VMP1: variants seen among roughly 807,000 people sequenced by gnomAD.
VMP1 encodes ectopic P-granules autophagy protein 3 homolog.
A neutral mutation model predicts 56.0 loss-of-function variants in VMP1; 11 were observed. That is an observed-to-expected ratio of 0.20 (90% CI 0.12 to 0.32). The LOEUF (loss-of-function observed/expected upper bound fraction) is 0.32. VMP1 is among the 10% of genes least tolerant of loss of function. The pLI, the probability that VMP1 is intolerant of heterozygous loss-of-function variation, is 1.00. For synonymous variants in VMP1, 149 were observed against 165.0 expected, an observed-to-expected ratio of 0.90 and a Z score of 0.74; for missense variants, 296 against 490.3, an observed-to-expected ratio of 0.60 and a Z score of 3.74.
At chr17:59,815,136 C>T (rs939284796) in intron 9 of VMP1, among the ~76,000 whole-genome samples, 9 of 152,060 alleles carry the variant, frequency 5.9e-5, no homozygotes, top group Non-Finnish European at 1.2e-4. Context: ...TAACCTTCCC[C>T]TAAAAGATTC....
intron 5 of VMP1, among the ~76,000 whole-genome samples, chr17:59,757,496 C>A (rs1441543866): frequency 2.6e-5 from 4 of 151,956 alleles, no homozygotes; most frequent in Non-Finnish European, 5.9e-5. Context: ...GGAAATGTAA[C>A]TTTTTAAACT....
At chr17:59,784,553 T>C (rs910083010) in intron 7 of VMP1, among the ~76,000 whole-genome samples, 1 of 152,228 alleles carries the variant, frequency 6.6e-6, no homozygotes, top group Non-Finnish European at 1.5e-5. Context: ...TCCAGGAGTC[T>C]AAACTCCTTA....
chr17:59,755,034 T>TA (rs2035788330), intron 5 of VMP1, among the ~76,000 whole-genome samples: 1 of 136,288 alleles, frequency 7.3e-6, no homozygotes, highest in Non-Finnish European at 1.5e-5. Flanking sequence ...TTCTCTTGAA[T>TA]ACTTAAGTCA....
chr17:59,784,134 TGTGTGTGTGA>T (rs1446193826), intron 7 of VMP1, among the ~76,000 whole-genome samples: 7 of 140,600 alleles, frequency 5.0e-5, no homozygotes, highest in African/African-American at 2.0e-4. Flanking sequence ...TGTGTGTGTG[TGTGTGTGTGA>T]GAGAGAGAGA....
In VMP1 at chr17:59,785,927, T is replaced by G. The variant is rs189601458; in HGVS notation, c.714+12042T>G. 2.1e-3 allele frequency among the ~76,000 whole-genome samples: 322 copies of G among 152,262 alleles called. 1 individual carries two copies. The highest frequency in any genetic ancestry group is 3.1e-3 in the Non-Finnish European group (209 of 68,018). ...TTAATAATCAATAATTGCTACCTAC[T>G]CTGTATGTTGAAGCTAAATCCCCAA... On this transcript the variant is annotated intron_variant, in intron 7 of 11. Coordinates refer to ENST00000262291, the MANE Select transcript of VMP1 (RefSeq NM_030938.5).
At chr17:59,817,533 G>C (rs1336012389) in intron 9 of VMP1, among the ~76,000 whole-genome samples, 179 bp from the exon 10 acceptor site, 1 of 151,624 alleles carries the variant, frequency 6.6e-6, no homozygotes, top group Non-Finnish European at 1.5e-5. Context: ...TGTATTTTTA[G>C]TAGAGACGGG....
chr17:59,732,717 T>A (rs1284437506), intron 2 of VMP1, among the ~76,000 whole-genome samples: 1 of 152,180 alleles, frequency 6.6e-6, no homozygotes, highest in Non-Finnish European at 1.5e-5. Context: ...TTGTGTGCTA[T>A]TTTTTTCTTT....
At position 59,801,148 on chromosome 17, in the gene VMP1, G is replaced by GTGTGTGTGTGTGTA. The variant is rs1439842519; in HGVS notation, c.715-7647_715-7646insGTGTGTGTGTGTAT. On this transcript the variant is annotated intron_variant, in intron 7 of 11. Transcript: ENST00000262291. ...TGTGTGTGTGTGTGTGTGTGTGTGT[G>GTGTGTGTGTGTGTA]TATGGCACATACAGTTATATATAGT... is the stretch of plus-strand genomic sequence containing the variant. Among the ~76,000 whole-genome samples, 60 of 136,328 alleles carry GTGTGTGTGTGTGTA rather than the reference G, an allele frequency of 4.4e-4. 2 individuals carry two copies. The highest frequency in any genetic ancestry group is 1.1e-3 in the Admixed American group (15 of 13,184). 89.4% of individuals were successfully genotyped at this position (136,328 alleles called of 152,430 possible).
intron 1 of VMP1, among the ~76,000 whole-genome samples, chr17:59,714,867 G>T (rs983153358): frequency 2.0e-5 from 3 of 152,002 alleles, no homozygotes; most frequent in African/African-American, 7.3e-5. Context: ...TTTTTGGTAG[G>T]GATGGGGTCT....
intron 9 of VMP1, among the ~76,000 whole-genome samples, chr17:59,812,403 A>T (rs2038081998): frequency 6.6e-6 from 1 of 152,118 alleles, no homozygotes; most frequent in Non-Finnish European, 1.5e-5. Flanking sequence ...TCTTAACAAA[A>T]TCTTTAGGAT....
At chr17:59,819,737 C>A (rs552465997) in intron 10 of VMP1, among the ~76,000 whole-genome samples, 1 of 152,334 alleles carries the variant, frequency 6.6e-6, no homozygotes, top group Non-Finnish European at 1.5e-5. Context: ...CAGGCATGAG[C>A]CTCCGCTCCC....
chr17:59,736,259 C>T (rs548091973), intron 3 of VMP1, among the ~76,000 whole-genome samples: 8 of 151,338 alleles, frequency 5.3e-5, no homozygotes, highest in East Asian at 3.9e-4. Flanking sequence ...AAAAATTAGC[C>T]GGGCGTGGTG....
At chr17:59,788,640 A>G (rs1225428032) in intron 7 of VMP1, among the ~76,000 whole-genome samples, 1 of 151,946 alleles carries the variant, frequency 6.6e-6, no homozygotes, top group Non-Finnish European at 1.5e-5. Flanking sequence ...CCCCGTCTCT[A>G]CTAAAACTAC....
intron 5 of VMP1, 126 bp downstream of exon 5, chr17:59,739,073 C>A: frequency 1.5e-6 from 1 of 677,534 alleles, no homozygotes; most frequent in Non-Finnish European, 2.3e-6. Context: ...GCATTCTGAT[C>A]CTCCAATCAG....
chr17:59,745,118 A>G (rs570035800), intron 5 of VMP1, among the ~76,000 whole-genome samples: 1 of 152,254 alleles, frequency 6.6e-6, no homozygotes, highest in African/African-American at 2.4e-5. Context: ...TTGCATCCCT[A>G]CCTTACTGAA....
At chr17:59,762,163 G>A (rs530759475) in intron 5 of VMP1, among the ~76,000 whole-genome samples, 7 of 152,218 alleles carry the variant, frequency 4.6e-5, no homozygotes, top group East Asian at 1.9e-4. Flanking sequence ...TCTAGTATCC[G>A]TTACTTCATC....
chr17:59,784,877 A>G (rs187610286), intron 7 of VMP1: 3 of 152,128 alleles, frequency 2.0e-5, no homozygotes, highest in Non-Finnish European at 4.4e-5. Context: ...ACTTTTTAAA[A>G]TTTTTTTATT....
intron 9 of VMP1, among the ~76,000 whole-genome samples, chr17:59,815,083 C>G (rs1172119214): frequency 2.0e-5 from 3 of 152,096 alleles, no homozygotes; most frequent in Non-Finnish European, 4.4e-5. Flanking sequence ...AATTAGACAA[C>G]CTTCTTTAAT....
chr17:59,724,300 G>A (rs1347183463), intron 1 of VMP1, among the ~76,000 whole-genome samples: 1 of 151,984 alleles, frequency 6.6e-6, no homozygotes. Flanking sequence ...AAACGTTTTG[G>A]GAGCAAAAAC....
Sources: gnomAD v4.1 joint callset for allele counts (sites outside exome capture counted in the v4.1 genomes callset) on GRCh38, gnomAD v4.1.1 for gene constraint, MANE v1.5 for transcripts, NCBI Gene and HGNC (gene_info 2026-07-23, HGNC 2026-07-21) for gene names.